KCNN2: variants seen among roughly 807,000 people sequenced by gnomAD.
The protein encoded by KCNN2 is small conductance calcium-activated potassium channel protein 2.
A neutral mutation model predicts 55.5 loss-of-function variants in KCNN2; 24 were observed. The ratio of observed to expected loss-of-function variants is 0.43; its 90% CI spans 0.31 to 0.61. KCNN2 has a LOEUF of 0.61. Among genes scored for constraint, KCNN2 ranks in the 20% least tolerant of loss-of-function variants. The pLI is 0.08. For synonymous variants in KCNN2, 431 were observed against 336.1 expected (o/e 1.28, Z -3.09); for missense variants, 754 against 853.6 (o/e 0.88, Z 1.45).
At chr5:114,178,005 A>T (rs548612063) in intron 1 of KCNN2, among the ~76,000 whole-genome samples, 96 of 152,328 alleles carry the variant, frequency 6.3e-4, no homozygotes, top group African/African-American at 2.2e-3. Flanking sequence ...ATCATATGAC[A>T]TTGTTTTTAA....
At chr5:114,124,666 C>A (rs1751895505) in intron 1 of KCNN2, among the ~76,000 whole-genome samples, 1 of 152,194 alleles carries the variant, frequency 6.6e-6, no homozygotes, top group Admixed American at 6.5e-5. Context: ...CTTTGGAAGA[C>A]AGTTTGCCCT....
intron 5 of KCNN2, chr5:114,486,662 T>G: frequency 1.9e-6 from 2 of 1,074,474 alleles, no homozygotes; most frequent in Non-Finnish European, 2.5e-6. Context: ...AAGGACAAGA[T>G]TAACCTTGGC....
At chr5:114,435,571 G>C (rs1221384401) in intron 3 of KCNN2, among the ~76,000 whole-genome samples, 1 of 151,592 alleles carries the variant, frequency 6.6e-6, no homozygotes, top group Non-Finnish European at 1.5e-5. Flanking sequence ...CCTTTAGTTT[G>C]ATCAAAGAGC....
intron 2 of KCNN2, among the ~76,000 whole-genome samples, chr5:114,250,181 G>C (rs1386543377): frequency 2.0e-5 from 3 of 152,144 alleles, no homozygotes; most frequent in Non-Finnish European, 4.4e-5. Context: ...TGTCTAGCAT[G>C]AGCAGTTTGG....
At chr5:114,303,087 T>C (rs979924465) in intron 2 of KCNN2, among the ~76,000 whole-genome samples, 1 of 152,240 alleles carries the variant, frequency 6.6e-6, no homozygotes, top group Non-Finnish European at 1.5e-5. Flanking sequence ...ATTCTGGCCA[T>C]TGAGCAAGTT....
At chr5:114,430,538 A>G (rs965355018) in intron 3 of KCNN2, among the ~76,000 whole-genome samples, 1 of 152,068 alleles carries the variant, frequency 6.6e-6, no homozygotes, top group Non-Finnish European at 1.5e-5. Context: ...AAAATTGTTT[A>G]TCTGTGAAAA....
chr5:114,380,093 A>G (rs1758071078), intron 2 of KCNN2, among the ~76,000 whole-genome samples: 1 of 151,862 alleles, frequency 6.6e-6, no homozygotes, highest in African/African-American at 2.4e-5. Flanking sequence ...AACAGTTTCC[A>G]TGAGATTATG....
At position 114,058,182 on chromosome 5, in the gene KCNN2, A is replaced by G. The variant is rs374126359; in HGVS notation, c.-271+1682A>G. Reference sequence around the variant, plus strand: ...CTGGCACCTTGAGCTAGTGATGAATACAAGCTCAATAATAGCATAATATTA... The same window carrying G: ...CTGGCACCTTGAGCTAGTGATGAATGCAAGCTCAATAATAGCATAATATTA... On this transcript the variant is annotated intron_variant, in intron 1 of 10. Transcript: ENST00000512097. 1.4e-4 allele frequency among the ~76,000 whole-genome samples: 21 copies of G among 152,320 alleles called. No individual in the cohort carries two copies. In the East Asian group the frequency reaches 3.7e-3, roughly 27 times the overall value.
At chr5:114,066,572 C>CT (rs931507618) in intron 1 of KCNN2, among the ~76,000 whole-genome samples, 2 of 152,086 alleles carry the variant, frequency 1.3e-5, no homozygotes, top group Non-Finnish European at 2.9e-5. Context: ...AAGTGTTTTT[C>CT]TTTTTTTTCT....
intron 1 of KCNN2, among the ~76,000 whole-genome samples, chr5:114,218,359 T>C (rs1561527360): frequency 6.6e-6 from 1 of 152,204 alleles, no homozygotes. Flanking sequence ...AGCAGGTGAA[T>C]GGATAAATAA....
chr5:114,432,689 C>G (rs913714367), intron 3 of KCNN2, among the ~76,000 whole-genome samples: 1 of 152,240 alleles, frequency 6.6e-6, no homozygotes, highest in African/African-American at 2.4e-5. Context: ...GAGGGAGAGG[C>G]GCGAGCGGGA....
At position 114,310,570 on chromosome 5, in the gene KCNN2, C is replaced by A. The variant is rs577553112; in HGVS notation, c.-184-50375C>A. ...TGTGCAGGATCCCCACTGAAGTACT[C>A]CAAAGGTTAATTTTTTTTCAAATGA... On this transcript the variant is annotated intron_variant, in intron 2 of 10. Coordinates refer to the KCNN2 transcript ENST00000512097. Among the ~76,000 whole-genome samples, 7 of 152,104 alleles carry A rather than the reference C, an allele frequency of 4.6e-5. No homozygotes were observed. In the South Asian group the frequency reaches 1.0e-3, roughly 23 times the overall value.
chr5:114,156,991 TTTC>T (rs1327339244), intron 1 of KCNN2, among the ~76,000 whole-genome samples: 1 of 151,004 alleles, frequency 6.6e-6, no homozygotes, highest in African/African-American at 2.5e-5. Flanking sequence ...CACTTTGGGA[TTTC>T]TTTTTTTTTT....
At chr5:114,098,116 C>A (rs531724690) in intron 1 of KCNN2, among the ~76,000 whole-genome samples, 9 of 152,168 alleles carry the variant, frequency 5.9e-5, no homozygotes, top group Admixed American at 5.2e-4. Context: ...ATCTTTCTTT[C>A]CGCTTCTGTC....
intron 2 of KCNN2, among the ~76,000 whole-genome samples, chr5:114,387,586 A>C (rs1443108207): frequency 6.6e-6 from 1 of 152,234 alleles, no homozygotes; most frequent in Non-Finnish European, 1.5e-5. Flanking sequence ...CTCATGTATC[A>C]CATGCTTCTG....
chr5:114,104,416 A>C (rs979685618), intron 1 of KCNN2, among the ~76,000 whole-genome samples: 1 of 151,830 alleles, frequency 6.6e-6, no homozygotes, highest in East Asian at 1.9e-4. Context: ...TCATGTCTCT[A>C]TCAGTTCTGC....
Position 114,496,288 on chromosome 5 carries a change from T to C in KCNN2, c.*106T>C. Reference sequence around the variant, plus strand: ...GTTCTAATCAGCGTTATCCGGGTTCTGATGTCAGAATCCTGGGAACCTGAA... The same window carrying C: ...GTTCTAATCAGCGTTATCCGGGTTCCGATGTCAGAATCCTGGGAACCTGAA... On this transcript the variant is annotated 3_prime_UTR_variant, in exon 8 of 8. Transcript: ENST00000673685. 4.8e-6 allele frequency: 6 copies of C among 1,249,832 alleles called. No individual in the cohort carries two copies. The highest frequency in any genetic ancestry group is 6.6e-6 in the Non-Finnish European group (6 of 915,352). 77.4% of individuals were successfully genotyped at this position (1,249,832 alleles called of 1,614,324 possible).
chr5:114,398,025 T>C (rs769390682), intron 2 of KCNN2, among the ~76,000 whole-genome samples: 8 of 152,222 alleles, frequency 5.3e-5, no homozygotes, highest in Non-Finnish European at 1.0e-4. Context: ...AGAAACTCTT[T>C]AGTTTAATTA....
At chr5:114,200,967 G>A (rs1480983377) in intron 1 of KCNN2, among the ~76,000 whole-genome samples, 2 of 152,078 alleles carry the variant, frequency 1.3e-5, no homozygotes, top group African/African-American at 2.4e-5. Context: ...TCCCATGTTA[G>A]TGGGTACTAG....
Sources: allele counts gnomAD v4.1 joint callset (sites outside exome capture counted in the v4.1 genomes callset), GRCh38; gene constraint gnomAD v4.1.1; transcripts MANE v1.5; gene names NCBI Gene and HGNC (gene_info 2026-07-23, HGNC 2026-07-21).